The following ELMO1 variants were observed in gnomAD, a reference collection of about 807,000 sequenced individuals.
ELMO1 encodes the protein engulfment and cell motility 1.
ELMO1 carries 26 observed loss-of-function variants against 98.9 expected under a neutral mutation model. That is an observed-to-expected ratio of 0.26 (90% CI 0.19 to 0.36). The LOEUF (loss-of-function observed/expected upper bound fraction) is 0.36. Among genes scored for constraint, ELMO1 ranks in the 10% least tolerant of loss-of-function variants. ELMO1 has a pLI of 1.00. For synonymous variants in ELMO1, 346 were observed against 346.0 expected (o/e 1.00, Z 0.00); for missense variants, 627 against 935.2 (o/e 0.67, Z 4.30).
intron 16 of ELMO1, among the ~76,000 whole-genome samples, chr7:36,916,266 G>C (rs942551534): frequency 2.0e-5 from 3 of 152,200 alleles, no homozygotes; most frequent in African/African-American, 7.2e-5. Context: ...CTTTGCACGA[G>C]CAGGGAGATT....
At chr7:37,077,195 A>C (rs1797629123) in intron 15 of ELMO1, among the ~76,000 whole-genome samples, 1 of 152,210 alleles carries the variant, frequency 6.6e-6, no homozygotes, top group Non-Finnish European at 1.5e-5. Context: ...AAAAGCTGCA[A>C]AGAAAGATAT....
intron 1 of ELMO1, among the ~76,000 whole-genome samples, chr7:37,431,667 T>C (rs1444497297): frequency 6.6e-6 from 1 of 152,166 alleles, no homozygotes; most frequent in Non-Finnish European, 1.5e-5. Context: ...TTAATCTTTC[T>C]CCCAGCCTTC....
intron 16 of ELMO1, among the ~76,000 whole-genome samples, chr7:36,953,391 C>G (rs1435649566): frequency 6.6e-6 from 1 of 152,136 alleles, no homozygotes; most frequent in Admixed American, 6.5e-5. Context: ...ATTTTTACAA[C>G]CTGTCAGACA....
chr7:37,067,393 T>G (rs141196546), intron 15 of ELMO1, among the ~76,000 whole-genome samples: 8 of 152,326 alleles, frequency 5.3e-5, no homozygotes, highest in Admixed American at 5.2e-4. Flanking sequence ...GAACAAAATA[T>G]CTAAACGTAT....
At chr7:37,249,294 C>T (rs1476305113) in intron 6 of ELMO1, among the ~76,000 whole-genome samples, 1 of 152,186 alleles carries the variant, frequency 6.6e-6, no homozygotes, top group East Asian at 1.9e-4. Context: ...TTTTTATATA[C>T]ATGTAATATA....
At chr7:37,091,964 C>T (rs367704857) in intron 15 of ELMO1, among the ~76,000 whole-genome samples, 2 of 152,078 alleles carry the variant, frequency 1.3e-5, no homozygotes, top group South Asian at 4.2e-4. Flanking sequence ...TCCTATAACA[C>T]GTGGGAATTA....
At chr7:37,146,159 G>A (rs1425042123) in intron 13 of ELMO1, among the ~76,000 whole-genome samples, 1 of 152,190 alleles carries the variant, frequency 6.6e-6, no homozygotes, top group Non-Finnish European at 1.5e-5. Context: ...ATTGATTCCA[G>A]TGTCCTTCCA....
chr7:37,242,848 G>A (rs183698746), intron 7 of ELMO1, among the ~76,000 whole-genome samples: 22 of 152,270 alleles, frequency 1.4e-4, no homozygotes, highest in Admixed American at 1.3e-3. Flanking sequence ...TACTAAGACT[G>A]AGGCTCTCTG....
intron 1 of ELMO1, among the ~76,000 whole-genome samples, chr7:37,380,246 T>C (rs766162224): frequency 1.8e-4 from 28 of 152,256 alleles, no homozygotes; most frequent in Non-Finnish European, 4.0e-4. Context: ...TGGTGGCTTT[T>C]TGAATGACAG....
intron 13 of ELMO1, among the ~76,000 whole-genome samples, chr7:37,152,881 T>A (rs1463994204): frequency 1.3e-5 from 2 of 152,204 alleles, no homozygotes; most frequent in African/African-American, 4.8e-5. Flanking sequence ...TTTTGTATAA[T>A]GTGTATAAGC....
intron 16 of ELMO1, among the ~76,000 whole-genome samples, chr7:36,999,052 C>G (rs1053411125): frequency 1.3e-5 from 2 of 151,978 alleles, no homozygotes; most frequent in African/African-American, 4.8e-5. Context: ...AGCCCCAGAG[C>G]AGGTGAGAGG....
At chr7:37,324,375 C>T (rs760195207) in intron 2 of ELMO1, among the ~76,000 whole-genome samples, 1 of 145,836 alleles carries the variant, frequency 6.9e-6, no homozygotes, top group Non-Finnish European at 1.5e-5. Context: ...CTTCTCCGGC[C>T]TCTGCCTGCC....
intron 7 of ELMO1, 112 bp downstream of exon 7, chr7:37,244,243 CT>C: frequency 9.3e-7 from 1 of 1,076,700 alleles, no homozygotes; most frequent in South Asian, 1.9e-5. Flanking sequence ...CAAAAAATCA[CT>C]TATTCAAAAT....
At chr7:36,992,256 G>T (rs1167935121) in intron 16 of ELMO1, among the ~76,000 whole-genome samples, 1 of 152,134 alleles carries the variant, frequency 6.6e-6, no homozygotes, top group African/African-American at 2.4e-5. Flanking sequence ...ACCATGATTT[G>T]CATTCACAGG....
At chr7:36,873,369 G>A (rs994256298) in intron 19 of ELMO1, among the ~76,000 whole-genome samples, 4 of 152,148 alleles carry the variant, frequency 2.6e-5, no homozygotes, top group Non-Finnish European at 4.4e-5. Flanking sequence ...TTTTGATGAG[G>A]CCTTTTGTGT....
At chr7:37,075,948 T>C (rs541251738) in intron 15 of ELMO1, among the ~76,000 whole-genome samples, 46 of 152,256 alleles carry the variant, frequency 3.0e-4, no homozygotes, top group African/African-American at 1.1e-3. Flanking sequence ...AATTTCAAGG[T>C]GAATTGCCTT....
chr7:37,210,556 T>C (rs941282073), intron 13 of ELMO1, among the ~76,000 whole-genome samples: 1 of 151,014 alleles, frequency 6.6e-6, no homozygotes, highest in Admixed American at 6.6e-5. Flanking sequence ...CATGAATATG[T>C]ATATATATAA....
intron 16 of ELMO1, chr7:36,985,224 C>T (rs1444930466): frequency 1.6e-6 from 1 of 611,480 alleles, no homozygotes; most frequent in Non-Finnish European, 2.0e-6. Context: ...TTTGCAAACC[C>T]TCTCTGGTTT....
chr7:37,389,784 CT>C (rs1427826071), intron 1 of ELMO1, among the ~76,000 whole-genome samples: 6 of 151,732 alleles, frequency 4.0e-5, no homozygotes, highest in Admixed American at 6.6e-5. Context: ...CCACCTCTAC[CT>C]AGGGGTATGC....
Sources: allele counts gnomAD v4.1 joint callset (sites outside exome capture counted in the v4.1 genomes callset), GRCh38; gene constraint gnomAD v4.1.1; transcripts MANE v1.5; gene names NCBI Gene and HGNC (gene_info 2026-07-23, HGNC 2026-07-21).